The following PRDM5 variants were observed in gnomAD, a reference collection of about 807,000 sequenced individuals.
PRDM5 encodes the protein PR/SET domain 5.
In PRDM5, 56 loss-of-function variants were observed where a neutral mutation model predicts 81.2. The observed-to-expected ratio is 0.69, with a 90% CI of 0.56 to 0.86. The LOEUF is 0.86. PRDM5 is among the 40% of genes least tolerant of loss of function. The probability of loss-of-function intolerance (pLI) is 0.00; values close to 1 mark genes in which losing one functional copy is unlikely to be tolerated. For synonymous variants in PRDM5, 267 were observed against 256.4 expected (o/e 1.04, Z -0.39); for missense variants, 697 against 770.1 (o/e 0.91, Z 1.12).
At chr4:120,737,499 G>A (rs1057456286) in intron 14 of PRDM5, among the ~76,000 whole-genome samples, 5 of 152,072 alleles carry the variant, frequency 3.3e-5, no homozygotes, top group Admixed American at 1.3e-4. Context: ...ACTTTCCCAC[G>A]CCATCACTTG....
At chr4:120,767,628 A>G (rs1274479351) in intron 13 of PRDM5, among the ~76,000 whole-genome samples, 4 of 152,242 alleles carry the variant, frequency 2.6e-5, no homozygotes, top group South Asian at 2.1e-4. Flanking sequence ...GAAATAAAAA[A>G]AGGGAAATTT....
intron 15 of PRDM5, among the ~76,000 whole-genome samples, chr4:120,704,009 A>G (rs945689227): frequency 3.3e-5 from 5 of 152,182 alleles, no homozygotes; most frequent in African/African-American, 9.7e-5. Context: ...TACAAAGTGC[A>G]AGTCCATTTA....
chr4:120,889,838 T>G (rs927121284), intron 2 of PRDM5, among the ~76,000 whole-genome samples: 3 of 152,206 alleles, frequency 2.0e-5, no homozygotes, highest in Non-Finnish European at 4.4e-5. Context: ...TTTCTGTTCC[T>G]GCATTAGTTC....
At chr4:120,900,014 A>G (rs1365440160) in intron 2 of PRDM5, among the ~76,000 whole-genome samples, 1 of 152,240 alleles carries the variant, frequency 6.6e-6, no homozygotes, top group African/African-American at 2.4e-5. Context: ...AAAAAGGCAT[A>G]GGTATAGAAG....
chr4:120,766,328 T>C (rs555509442), intron 13 of PRDM5, among the ~76,000 whole-genome samples: 24 of 152,324 alleles, frequency 1.6e-4, no homozygotes, highest in African/African-American at 5.5e-4. Flanking sequence ...AACTCATTAA[T>C]GTTCATTCAA....
intron 1 of PRDM5, among the ~76,000 whole-genome samples, chr4:120,913,580 G>T (rs895960573): frequency 2.6e-5 from 4 of 152,180 alleles, no homozygotes; most frequent in Non-Finnish European, 5.9e-5. Flanking sequence ...AGAATTGTGG[G>T]TATATGGTGA....
At chr4:120,864,850 G>A (rs949055569) in intron 2 of PRDM5, among the ~76,000 whole-genome samples, 4 of 152,126 alleles carry the variant, frequency 2.6e-5, no homozygotes, top group Non-Finnish European at 5.9e-5. Flanking sequence ...AGAAGAGCCC[G>A]TACATCCATG....
chr4:120,844,164 C>A (rs1758375795), intron 3 of PRDM5, among the ~76,000 whole-genome samples: 1 of 151,946 alleles, frequency 6.6e-6, no homozygotes, highest in African/African-American at 2.4e-5. Context: ...ACTAGATACT[C>A]TGGGAAAGCT....
intron 14 of PRDM5, among the ~76,000 whole-genome samples, chr4:120,729,328 TC>T (rs1739918922): frequency 6.6e-6 from 1 of 152,234 alleles, no homozygotes; most frequent in African/African-American, 2.4e-5. Context: ...AGACTCTATT[TC>T]CTTCATGATT....
intron 14 of PRDM5, among the ~76,000 whole-genome samples, chr4:120,740,461 T>C (rs540921416): frequency 6.6e-6 from 1 of 152,250 alleles, no homozygotes; most frequent in East Asian, 1.9e-4. Context: ...CTCCTTCCTC[T>C]CTAAACCCAC....
intron 13 of PRDM5, among the ~76,000 whole-genome samples, chr4:120,756,221 A>T (rs984306376): frequency 6.6e-6 from 1 of 152,108 alleles, no homozygotes; most frequent in Non-Finnish European, 1.5e-5. Context: ...TTGAGCCCCA[A>T]TCTCCATGTA....
At chr4:120,915,336 G>A (rs552193366) in intron 1 of PRDM5, among the ~76,000 whole-genome samples, 1 of 152,276 alleles carries the variant, frequency 6.6e-6, no homozygotes, top group South Asian at 2.1e-4. Flanking sequence ...TTAACAACTT[G>A]CTAAAGGAGG....
intron 14 of PRDM5, among the ~76,000 whole-genome samples, chr4:120,746,291 A>T (rs2149126829): frequency 6.8e-6 from 1 of 147,468 alleles, no homozygotes; most frequent in East Asian, 2.0e-4. Flanking sequence ...TTCCAGATGG[A>T]TTAAAGACTT....
chr4:120,754,984 G>T (rs1744519592), intron 13 of PRDM5, among the ~76,000 whole-genome samples: 1 of 152,134 alleles, frequency 6.6e-6, no homozygotes, highest in African/African-American at 2.4e-5. Flanking sequence ...TAATCAATTT[G>T]CTCTATCACT....
At chr4:120,846,913 T>TA (rs945954053) in intron 3 of PRDM5, among the ~76,000 whole-genome samples, 72 of 152,210 alleles carry the variant, frequency 4.7e-4, no homozygotes, top group African/African-American at 1.6e-3. Flanking sequence ...TTAAGTAACT[T>TA]ACTCAGCCAG....
intron 14 of PRDM5, among the ~76,000 whole-genome samples, chr4:120,723,068 T>C (rs1738864964): frequency 6.6e-6 from 1 of 152,166 alleles, no homozygotes; most frequent in South Asian, 2.1e-4. Context: ...GCCTACATCT[T>C]CCCAATCATT....
chr4:120,821,743 T>TAAAA (rs35419987), intron 3 of PRDM5, among the ~76,000 whole-genome samples: 1 of 138,200 alleles, frequency 7.2e-6, no homozygotes. Flanking sequence ...ACACAAAACT[T>TAAAA]AAAAAAAAAA....
At chr4:120,839,482 G>A (rs999151043) in intron 3 of PRDM5, among the ~76,000 whole-genome samples, 1 of 152,172 alleles carries the variant, frequency 6.6e-6, no homozygotes. Flanking sequence ...TCTCAGCAGA[G>A]AGGGTAGCTC....
chr4:120,847,404 C>G (rs955505104), intron 3 of PRDM5, among the ~76,000 whole-genome samples: 1 of 152,106 alleles, frequency 6.6e-6, no homozygotes, highest in Non-Finnish European at 1.5e-5. Context: ...TCCTGAGCAA[C>G]CCCAGAGAGA....
Sources: allele counts gnomAD v4.1 joint callset (sites outside exome capture counted in the v4.1 genomes callset), GRCh38; gene constraint gnomAD v4.1.1; transcripts MANE v1.5; gene names NCBI Gene and HGNC (gene_info 2026-07-23, HGNC 2026-07-21).